C5orf24: variants seen among roughly 807,000 people sequenced by gnomAD.
C5orf24 encodes the protein chromosome 5 open reading frame 24.
Under a neutral mutation model 9.8 loss-of-function variants are expected in C5orf24, and 4 were observed. The observed-to-expected ratio is 0.41, with a 90% CI of 0.20 to 0.93. The LOEUF is 0.93. Ranked by LOEUF, C5orf24 falls within the 40% of genes least tolerant of loss-of-function variation. C5orf24 has a pLI of 0.33. For synonymous variants in C5orf24, 73 were observed against 81.3 expected, an observed-to-expected ratio of 0.90 and a Z score of 0.55; for missense variants, 170 against 236.9, an observed-to-expected ratio of 0.72 and a Z score of 1.85.
In C5orf24 at chr5:134,856,055, C is replaced by G; in HGVS notation, c.*588C>G. 1.0e-6 allele frequency: 1 copy of G among 1,000,974 alleles called. No homozygotes were observed. Among genetic ancestry groups the G allele is most frequent in the Non-Finnish European group, 1.2e-6 (1 of 830,610 alleles). The allele number at this position is 1,000,974 out of a possible 1,614,324, so 62.0% of individuals were successfully genotyped here. On this transcript the variant is annotated 3_prime_UTR_variant, in exon 2 of 2. Transcript: ENST00000394976. ...GCTTGTAATTTATTGATCTACATGGCATTAATTGATTTAACCATTATACCT... is the reference window on the plus strand; with the variant it reads ...GCTTGTAATTTATTGATCTACATGGGATTAATTGATTTAACCATTATACCT...
intron 1 of C5orf24, among the ~76,000 whole-genome samples, chr5:134,852,473 T>A (rs913024231): frequency 6.6e-6 from 1 of 152,246 alleles, no homozygotes; most frequent in African/African-American, 2.4e-5. Flanking sequence ...TTCTGTGACT[T>A]CATGCTCATT....
At chr5:134,851,920 C>T (rs562047811) in intron 1 of C5orf24, among the ~76,000 whole-genome samples, 1 of 152,118 alleles carries the variant, frequency 6.6e-6, no homozygotes, top group Non-Finnish European at 1.5e-5. Context: ...AGAATTTGAG[C>T]TAGTGAAATG....
At position 134,857,384 on chromosome 5, in the gene C5orf24, C is replaced by T; in HGVS notation, c.*1917C>T. On this transcript the variant is annotated 3_prime_UTR_variant, in exon 2 of 2. Transcript: ENST00000394976. ...AAAAAGCAGCAAGCCTTCAGGTGTT[C>T]CAGTGATGCCTGACACAATTGAGCT... 6.5e-7 allele frequency: 1 copy of T among 1,548,276 alleles called. No individual in the cohort carries two copies. Among genetic ancestry groups the T allele is most frequent in the South Asian group, 1.2e-5 (1 of 83,810 alleles).
intron 1 of C5orf24, among the ~76,000 whole-genome samples, chr5:134,851,517 G>A (rs1271124830): frequency 1.3e-5 from 2 of 150,570 alleles, no homozygotes; most frequent in Non-Finnish European, 2.9e-5. Flanking sequence ...GAGAGGTGTT[G>A]CTACTGACAT....
In C5orf24 at chr5:134,856,254, A is replaced by G. The variant is rs572906488; in HGVS notation, c.*787A>G. 45 of 991,994 alleles carry G rather than the reference A, an allele frequency of 4.5e-5. No individual in the cohort carries two copies. Among genetic ancestry groups the G allele is most frequent in the African/African-American group, 4.4e-4 (25 of 57,178 alleles). 61.4% of individuals were successfully genotyped at this position (991,994 alleles called of 1,614,324 possible). On this transcript the variant is annotated 3_prime_UTR_variant, in exon 2 of 2. Coordinates refer to ENST00000394976, the MANE Select transcript of C5orf24 (RefSeq NM_001135586.1). ...AAATATAGTGCATTCTGAGGATAGC[A>G]TATTTCATATAATAGAAAAAGAAGC...
At chr5:134,838,645 C>G in the C5orf24 span, among the ~76,000 whole-genome samples, 4 of 151,998 alleles carry the variant, frequency 2.6e-5, no homozygotes, top group Non-Finnish European at 5.9e-5. Context: ...TTATCTCAAA[C>G]AAACAAATAA....
chr5:134,848,358 C>A (rs1316635986), intron 1 of C5orf24, among the ~76,000 whole-genome samples: 1 of 149,808 alleles, frequency 6.7e-6, no homozygotes, highest in African/African-American at 2.5e-5. Flanking sequence ...TGCATACTTT[C>A]AATGAAAGGG....
chr5:134,853,773 T>G (rs1338361817), intron 1 of C5orf24, among the ~76,000 whole-genome samples: 1 of 152,172 alleles, frequency 6.6e-6, no homozygotes, highest in African/African-American at 2.4e-5. Flanking sequence ...TTTGTCTTGA[T>G]AAATACACCT....
intron 1 of C5orf24, among the ~76,000 whole-genome samples, chr5:134,854,539 G>C (rs1325280561): frequency 1.3e-5 from 2 of 152,194 alleles, no homozygotes; most frequent in Non-Finnish European, 2.9e-5. Flanking sequence ...AGAGTTCTTG[G>C]CTTTACTATT....
chr5:134,850,991 CATAT>C (rs1392801772), intron 1 of C5orf24, among the ~76,000 whole-genome samples: 7 of 145,150 alleles, frequency 4.8e-5, no homozygotes, highest in African/African-American at 1.3e-4. Context: ...TACAGAAATA[CATAT>C]ATTTATTTAT....
intron 1 of C5orf24, 36 bp from the exon 2 acceptor site, chr5:134,854,862 G>C: frequency 6.3e-7 from 1 of 1,599,884 alleles, no homozygotes; most frequent in Non-Finnish European, 8.5e-7. Context: ...ATTTGTGTGT[G>C]TGTATTTATA....
intron 1 of C5orf24, among the ~76,000 whole-genome samples, chr5:134,853,925 C>T (rs563391835): frequency 2.3e-4 from 35 of 152,128 alleles, no homozygotes; most frequent in Non-Finnish European, 4.0e-4. Context: ...TACAAAAGTA[C>T]AAAAATTAGC....
rs1561888475 is a variant in C5orf24 at position 134,855,302 on chromosome 5, CAA to C, written c.404_405del (p.Lys135SerfsTer9). 1.2e-6 allele frequency: 2 copies of C among 1,614,100 alleles called. No homozygotes were observed. Among genetic ancestry groups the C allele is most frequent in the Non-Finnish European group, 1.7e-6 (2 of 1,180,014 alleles). On this transcript the variant is annotated frameshift_variant, in exon 2 of 2. Coordinates refer to ENST00000394976, the MANE Select transcript of C5orf24 (RefSeq NM_001135586.1). LOFTEE classifies it high-confidence loss of function. ...TGGGGACAACTAAAGCTGCGGGATA[CAA>C]AGTCAGCCCAGGCAGACCTCCAGGT... is the stretch of plus-strand genomic sequence containing the variant. The part of the protein sequence containing the change: ...PLGTTKAAGY[K>X]VSPGRPPGSI...
intron 1 of C5orf24, among the ~76,000 whole-genome samples, chr5:134,847,705 A>ATT (rs57323019): frequency 9.6e-5 from 13 of 134,984 alleles, no homozygotes; most frequent in African/African-American, 1.6e-4. Context: ...TATTCATCCT[A>ATT]TTTTTTTTTT....
chr5:134,852,382 C>A (rs1173396047), intron 1 of C5orf24, among the ~76,000 whole-genome samples: 7 of 152,216 alleles, frequency 4.6e-5, no homozygotes, highest in Non-Finnish European at 5.9e-5. Context: ...AGATATTTTT[C>A]CATCAAATTG....
the C5orf24 span, among the ~76,000 whole-genome samples, chr5:134,836,930 G>A: frequency 6.6e-6 from 1 of 152,032 alleles, no homozygotes; most frequent in Non-Finnish European, 1.5e-5. Context: ...ATGTATATTG[G>A]GAGGGTACTT....
the C5orf24 span, among the ~76,000 whole-genome samples, chr5:134,834,591 G>GT: frequency 6.6e-6 from 1 of 152,198 alleles, no homozygotes; most frequent in Non-Finnish European, 1.5e-5. Flanking sequence ...AAATTCCTCT[G>GT]TAACTTTTTA....
the C5orf24 span, among the ~76,000 whole-genome samples, chr5:134,839,947 C>G: frequency 2.0e-5 from 3 of 152,128 alleles, no homozygotes; most frequent in Admixed American, 6.6e-5. Context: ...CTGCCTGCCT[C>G]AGGCTCCCAA....
chr5:134,838,226 G>C, the C5orf24 span, among the ~76,000 whole-genome samples: 2 of 152,166 alleles, frequency 1.3e-5, no homozygotes, highest in Non-Finnish European at 2.9e-5. Flanking sequence ...ATTCACTGGT[G>C]ATTTGCCTAT....
Sources: gnomAD v4.1 joint callset for allele counts (sites outside exome capture counted in the v4.1 genomes callset) on GRCh38, gnomAD v4.1.1 for gene constraint, MANE v1.5 for transcripts, NCBI Gene and HGNC (gene_info 2026-07-23, HGNC 2026-07-21) for gene names.